Variants in AP1G2 observed in about 807,000 individuals in gnomAD.
AP1G2 encodes the protein AP-1 complex subunit gamma-like 2.
AP1G2 carries 85 observed loss-of-function variants against 95.8 expected under a neutral mutation model. The observed-to-expected ratio is 0.89, with a 90% CI of 0.74 to 1.06. AP1G2 has a LOEUF of 1.06. Ranked by LOEUF, AP1G2 falls within the 50% of genes least tolerant of loss-of-function variation. AP1G2 has a pLI of 0.00. For missense variants in AP1G2, 967 were observed against 1,005.8 expected (o/e 0.96, Z 0.52); for synonymous variants, 378 against 400.0 (o/e 0.94, Z 0.66).
chr14:23,563,178 T>C lies in AP1G2; in HGVS notation c.1410+202A>G, dbSNP rs1885959250. 8 of 1,432,388 alleles carry C rather than the reference T, an allele frequency of 5.6e-6. No homozygotes were observed. The South Asian group carries it at 1.1e-4, about 19-fold the overall frequency. The allele number at this position is 1,432,388 out of a possible 1,614,324, so 88.7% of individuals were successfully genotyped here. ...GAGCATAAGGGAAGTTAGTCATCTG[T>C]AGTTACATAACCAGGAGGTACCAGA... On this transcript the variant is annotated intron_variant, in intron 14 of 21. Coordinates refer to ENST00000397120, the MANE Select transcript of AP1G2 (RefSeq NM_003917.5).
chr14:23,562,903 A>T, intron 14 of AP1G2: 2 of 527,900 alleles, frequency 3.8e-6, no homozygotes, highest in Middle Eastern at 5.8e-4. Flanking sequence ...CCTGGCTCCC[A>T]CTGCCCTCTG....
chr14:23,566,910 G>C, intron 2 of AP1G2: 2 of 882,446 alleles, frequency 2.3e-6, no homozygotes, highest in East Asian at 2.7e-5. Flanking sequence ...CTGCCCTAAA[G>C]GAGGCTGGCC....
At chr14:23,562,250 G>A in intron 16 of AP1G2, 38 bp downstream of exon 16, 1 of 1,611,646 alleles carries the variant, frequency 6.2e-7, no homozygotes, top group Non-Finnish European at 8.5e-7. Flanking sequence ...TGGACCCAGT[G>A]ACAGGCCATC....
At chr14:23,561,684 C>A in intron 17 of AP1G2, 49 bp from the exon 18 acceptor site, 1 of 1,602,816 alleles carries the variant, frequency 6.2e-7, no homozygotes, top group Non-Finnish European at 8.5e-7. Context: ...CTGGGCCTTT[C>A]ACAAGAGGCA....
chr14:23,567,076 A>G lies in AP1G2; in HGVS notation c.204+35T>C. ...CTGGGACTCTGCCCCACTAGCCTTC[A>G]TCAAGCTCAGGAGGGAGGTATTCCT... On this transcript the variant is annotated intron_variant, in intron 2 of 21. Coordinates refer to ENST00000397120, the MANE Select transcript of AP1G2 (RefSeq NM_003917.5). The surrounding 1 kb of genome is among the most constrained non-coding windows in gnomAD (Gnocchi z 5.3). The G allele has an allele frequency of 1.9e-6, 3 of 1,590,182 alleles. No homozygotes were observed. Among genetic ancestry groups the G allele is most frequent in the South Asian group, 1.1e-5 (1 of 88,198 alleles).
Position 23,559,663 on chromosome 14 carries a change from TG to T in AP1G2, c.*85del. The T allele has an allele frequency of 1.6e-6, 2 of 1,227,282 alleles. No individual in the cohort carries two copies. The highest frequency in any genetic ancestry group is 2.4e-6 in the Non-Finnish European group (2 of 845,796). The allele number at this position is 1,227,282 out of a possible 1,614,324, so 76.0% of individuals were successfully genotyped here. Reference sequence around the variant, plus strand: ...AGTGCAAAGCCAGAGCGCCACCTGCTGGTAGCCCTCAGGTGTAGGTTCGAAG... The same window carrying T: ...AGTGCAAAGCCAGAGCGCCACCTGCTGTAGCCCTCAGGTGTAGGTTCGAAG... On this transcript the variant is annotated 3_prime_UTR_variant, in exon 22 of 22. Transcript: ENST00000397120.
chr14:23,563,767 G>C lies in AP1G2; in HGVS notation c.1181C>G (p.Pro394Arg), dbSNP rs774636208. ...QELQAFLESC[P>R]PDLRADCASG... ...GGCACAGTCAGCCCGTAGGTCAGGAGGGCAGGACTCCAGAAAGGCCTGCAG... is the reference window on the plus strand; with the variant it reads ...GGCACAGTCAGCCCGTAGGTCAGGACGGCAGGACTCCAGAAAGGCCTGCAG... Residue 394 changes from proline to arginine, a missense_variant, in exon 12 of 22, where the codon CCT becomes CGT. Physicochemically the swap from Pro to Arg is moderately radical, Grantham distance 103. Transcript: ENST00000397120. 3.7e-6 allele frequency: 6 copies of C among 1,614,178 alleles called. No homozygotes were observed. In the South Asian group the frequency reaches 6.6e-5, roughly 18 times the overall value.
intron 14 of AP1G2, 185 bp from the exon 15 acceptor site, chr14:23,562,778 AAC>A (rs1370380809): frequency 3.1e-6 from 2 of 639,880 alleles, no homozygotes; most frequent in Non-Finnish European, 5.2e-6. Context: ...GAAAGAAAGA[AAC>A]ACTGCTGGGC....
rs541442696 is a variant in AP1G2 at position 23,566,294 on chromosome 14, G to C, written c.455C>G (p.Pro152Arg). Residue 152 changes from proline to arginine, a missense_variant, in exon 4 of 22, where the codon CCC becomes CGC. Transcript: ENST00000397120. The stretch of plus-strand genomic sequence containing the variant: ...CCATCTCACCTTCTTGCGCACGTAG[G>C]GACTGGGCTGCAGGAGCAGTTTCTC... ...EVEKLLLQPSPYVRKKAILTA... is the reference protein window; with the variant it reads ...EVEKLLLQPSRYVRKKAILTA... 5.6e-6 allele frequency: 9 copies of C among 1,613,924 alleles called. No individual in the cohort carries two copies. The South Asian group carries it at 9.9e-5, about 18-fold the overall frequency.
chr14:23,565,730 C>T lies in AP1G2; in HGVS notation c.646-29G>A, dbSNP rs1284661102. On this transcript the variant is annotated intron_variant, in intron 6 of 21. Transcript: ENST00000397120. The stretch of plus-strand genomic sequence containing the variant: ...GAGGGAGGGCACAACTTTGGGCATT[C>T]GTTCTAATCCTCTCCAGCTAAAGCC... 15 of 1,609,944 alleles carry T rather than the reference C, an allele frequency of 9.3e-6. No individual in the cohort carries two copies. In the African/African-American group the frequency reaches 1.1e-4, roughly 11 times the overall value.
At chr14:23,562,472 C>G (rs768593629) in intron 15 of AP1G2, 32 bp downstream of exon 15, 2 of 1,610,946 alleles carry the variant, frequency 1.2e-6, no homozygotes, top group Non-Finnish European at 1.7e-6. Flanking sequence ...CCTGACAAGT[C>G]CCTCCTCAGT....
At position 23,565,834 on chromosome 14, in the gene AP1G2, G is replaced by A; in HGVS notation, c.627C>T (p.Ala209=). 1 of 1,577,590 alleles carries A rather than the reference G, an allele frequency of 6.3e-7. No homozygotes were observed. The highest frequency in any genetic ancestry group is 2.2e-5 in the East Asian group (1 of 44,584). Residue 209 remains alanine (A), a synonymous_variant, in exon 6 of 22, where the codon GCC becomes GCT. Coordinates refer to ENST00000397120, the MANE Select transcript of AP1G2 (RefSeq NM_003917.5). ...ITELCERSPA[A]LRHFRKVVPQ... ...AGCCCACCTTTCGGAAGTGCCTGAG[G>A]GCTGCAGGGCTTCGTTCGCAGAGCT...
In AP1G2 at chr14:23,567,705, C is replaced by A. The variant is rs1595385593; in HGVS notation, c.-6+34G>T. On this transcript the variant is annotated intron_variant, in intron 1 of 21. Transcript: ENST00000397120. This position sits in a 1 kb window ranked among gnomAD's most constrained non-coding sequence, Gnocchi z 5.3. Reference sequence around the variant, plus strand: ...CCATCTCAGGCAGCGGCAGCGGCAGCGACAGCCTGCCTACCCCAGGACTCC... The same window carrying A: ...CCATCTCAGGCAGCGGCAGCGGCAGAGACAGCCTGCCTACCCCAGGACTCC... 6 of 1,039,562 alleles carry A rather than the reference C, an allele frequency of 5.8e-6. No individual in the cohort carries two copies. The South Asian group carries it at 1.9e-4, about 33-fold the overall frequency. 64.4% of individuals were successfully genotyped at this position (1,039,562 alleles called of 1,614,324 possible). A position where few individuals can be genotyped will look rare whatever the true frequency, so the allele number is the denominator to read the frequency against.
rs767623345 is a variant in AP1G2 at position 23,565,246 on chromosome 14, G to C, written c.742-47C>G. On this transcript the variant is annotated intron_variant, in intron 7 of 21. Transcript: ENST00000397120. ...AAAGTTGGAGGGGTTCATAGGATAA[G>C]GAGTCGTGGGGCTGAGGAGAAAACT... The C allele has an allele frequency of 1.6e-5, 26 of 1,580,138 alleles. No homozygotes were observed. The African/African-American group carries it at 2.2e-4, about 13-fold the overall frequency.
At chr14:23,564,870 A>G (rs563379080) in intron 8 of AP1G2, 9 of 632,112 alleles carry the variant, frequency 1.4e-5, no homozygotes, top group African/African-American at 1.1e-4. Flanking sequence ...AAGGACTCCA[A>G]CATGTTATCT....
At position 23,559,569 on chromosome 14, in the gene AP1G2, G is replaced by T; in HGVS notation, c.*180C>A. 3.3e-6 allele frequency: 2 copies of T among 608,032 alleles called. No homozygotes were observed. Among genetic ancestry groups the T allele is most frequent in the Non-Finnish European group, 5.9e-6 (2 of 338,650 alleles). 37.7% of individuals were successfully genotyped at this position (608,032 alleles called of 1,614,324 possible). A position where few individuals can be genotyped will look rare whatever the true frequency, so the allele number is the denominator to read the frequency against. ...TCCACTTCAAATATACCCAAATATGGCTTTCCTCACTTCTCAGGCTTTATT... is the reference window on the plus strand; with the variant it reads ...TCCACTTCAAATATACCCAAATATGTCTTTCCTCACTTCTCAGGCTTTATT... On this transcript the variant is annotated 3_prime_UTR_variant, in exon 22 of 22. Coordinates refer to ENST00000397120, the MANE Select transcript of AP1G2 (RefSeq NM_003917.5).
Position 23,561,914 on chromosome 14 carries a change from A to G in AP1G2, c.1733+48T>C, listed in dbSNP as rs934440194. The G allele has an allele frequency of 3.2e-6, 5 of 1,556,200 alleles. No individual in the cohort carries two copies. The African/African-American group carries it at 4.1e-5, about 13-fold the overall frequency. ...TTGTACCTAGAAAAGGGCATTTGGG[A>G]GAGGGCAGGGGTTTGGGTCCCATGC... On this transcript the variant is annotated intron_variant, in intron 17 of 21. Transcript: ENST00000397120.
At chr14:23,565,074 G>C (rs1028205640) in intron 8 of AP1G2, 45 bp downstream of exon 8, 1 of 1,593,510 alleles carries the variant, frequency 6.3e-7, no homozygotes, top group Non-Finnish European at 8.6e-7. Flanking sequence ...AGGGCTGATG[G>C]GGTCTCCAAG....
chr14:23,566,864 G>T (rs1451669695), intron 2 of AP1G2, 178 bp from the exon 3 acceptor site: 3 of 1,000,686 alleles, frequency 3.0e-6, no homozygotes, highest in East Asian at 2.6e-5. Flanking sequence ...GAGGAACTAG[G>T]AGTTGAGGAG....
Sources: gnomAD v4.1 joint callset for allele counts on GRCh38, gnomAD v4.1.1 for gene constraint, Gnocchi (gnomAD v3.1) non-coding constraint, MANE v1.5 for transcripts, NCBI Gene and HGNC (gene_info 2026-07-23, HGNC 2026-07-21) for gene names.